Variants in YPEL2 observed in about 807,000 individuals in gnomAD.
The protein encoded by YPEL2 is protein yippee-like 2.
In YPEL2, 2 loss-of-function variants were observed where a neutral mutation model predicts 19.1. The ratio of observed to expected loss-of-function variants is 0.10; its 90% CI spans 0.04 to 0.33. The LOEUF is 0.33. Ranked by LOEUF, YPEL2 falls within the 10% of genes least tolerant of loss-of-function variation. The pLI, the probability that YPEL2 is intolerant of heterozygous loss-of-function variation, is 1.00. For synonymous variants in YPEL2, 52 were observed against 50.0 expected (o/e 1.04, Z -0.17); for missense variants, 66 against 140.7 (o/e 0.47, Z 2.68).
At chr17:59,339,312 G>T (rs368686016) in intron 1 of YPEL2, among the ~76,000 whole-genome samples, 1 of 152,114 alleles carries the variant, frequency 6.6e-6, no homozygotes, top group Non-Finnish European at 1.5e-5. Flanking sequence ...TTTTGCTCGC[G>T]GGGCTCTTTT....
chr17:59,348,841 A>G (rs536789355), intron 1 of YPEL2, among the ~76,000 whole-genome samples: 2 of 152,274 alleles, frequency 1.3e-5, no homozygotes, highest in East Asian at 1.9e-4. Context: ...CTAAAGTTCA[A>G]AAATTAGAAT....
At chr17:59,359,031 C>G (rs965248650) in intron 2 of YPEL2, among the ~76,000 whole-genome samples, 14 of 148,912 alleles carry the variant, frequency 9.4e-5, no homozygotes, top group Middle Eastern at 3.5e-3. Context: ...TGAAGTGATT[C>G]TCCTGCCTCA....
intron 1 of YPEL2, among the ~76,000 whole-genome samples, chr17:59,339,807 C>G (rs2047718647): frequency 6.6e-6 from 1 of 152,032 alleles, no homozygotes; most frequent in South Asian, 2.1e-4. Context: ...TGCCTGTCTC[C>G]CTGGGTTGTT....
chr17:59,375,661 A>G (rs2047916854), intron 2 of YPEL2, among the ~76,000 whole-genome samples: 1 of 152,238 alleles, frequency 6.6e-6, no homozygotes, highest in Admixed American at 6.5e-5. Flanking sequence ...TTAATTTGGA[A>G]ACTGCAATTC....
chr17:59,370,686 G>T (rs1025180028), intron 2 of YPEL2, among the ~76,000 whole-genome samples: 16 of 152,108 alleles, frequency 1.1e-4, no homozygotes, highest in Admixed American at 1.0e-3. Flanking sequence ...ACCCCAGATT[G>T]CTTCGGCTTG....
rs151113267 is a variant in YPEL2, at chr17:59,350,971, A to G, written c.-195-2244A>G. On this transcript the variant is annotated intron_variant, in intron 1 of 4. Coordinates refer to ENST00000312655, the MANE Select transcript of YPEL2 (RefSeq NM_001005404.4). ...ACTCTAGCAGCATTTGGCCTGGGGGAAGCCTACTGCTTGTTTTCCCCTGCC... is the reference window on the plus strand; with the variant it reads ...ACTCTAGCAGCATTTGGCCTGGGGGGAGCCTACTGCTTGTTTTCCCCTGCC... 7.8e-3 allele frequency among the ~76,000 whole-genome samples: 1,191 copies of G among 151,992 alleles called. 25 individuals carry two copies. The highest frequency in any genetic ancestry group is 0.027 in the African/African-American group (1,121 of 41,390).
At chr17:59,340,836 T>G (rs1021485679) in intron 1 of YPEL2, among the ~76,000 whole-genome samples, 2 of 151,418 alleles carry the variant, frequency 1.3e-5, no homozygotes, top group African/African-American at 4.9e-5. Flanking sequence ...TGCCTCACCC[T>G]CCCAAGTAGC....
At chr17:59,338,505 A>G (rs2047710649) in intron 1 of YPEL2, among the ~76,000 whole-genome samples, 1 of 152,178 alleles carries the variant, frequency 6.6e-6, no homozygotes, top group Admixed American at 6.5e-5. Context: ...CCTATTTTTG[A>G]GATGGATTGG....
rs1278026472 is a variant in YPEL2 at position 59,388,365 on chromosome 17, C to G, written c.156C>G (p.Asn52Lys). The G allele has an allele frequency of 6.2e-7, 1 of 1,614,044 alleles. No individual in the cohort carries two copies. Among genetic ancestry groups the G allele is most frequent in the Non-Finnish European group, 8.5e-7 (1 of 1,180,004 alleles). The change falls in exon 3 of 5, where the codon AAC becomes AAG. Residue 52 changes from asparagine to lysine, a missense_variant. By Grantham distance (94) the Asn-to-Lys change is moderately conservative. Transcript: ENST00000312655. ...GTCAAGGACGAGCATACCTCTTTAA[C>G]TCAGTGTGAGTGCCTCTGAATGGTA... is the stretch of plus-strand genomic sequence containing the variant. ...QGSQGRAYLFNSVVNVGCGPA... is the reference protein window; with the variant it reads ...QGSQGRAYLFKSVVNVGCGPA...
At chr17:59,386,621 A>G (rs8073731) in intron 2 of YPEL2, among the ~76,000 whole-genome samples, 95,831 of 151,952 alleles carry the variant, frequency 0.63, 31,387 homozygotes, top group African/African-American at 0.81. Flanking sequence ...TGGCCAGGTC[A>G]TGAAGCCCTG....
At chr17:59,367,887 C>A (rs59823201) in intron 2 of YPEL2, among the ~76,000 whole-genome samples, 11,900 of 152,158 alleles carry the variant, frequency 0.078, 577 homozygotes, top group South Asian at 0.15. Flanking sequence ...TGGGGCCCTG[C>A]TGAGGAGAGT....
At chr17:59,388,395 C>G (rs2047991640) in intron 3 of YPEL2, 25 bp downstream of exon 3, 1 of 1,611,826 alleles carries the variant, frequency 6.2e-7, no homozygotes, top group Non-Finnish European at 8.5e-7. Flanking sequence ...ATGGTACATT[C>G]CTTGTGGGGT....
At chr17:59,363,540 TGA>T (rs1425517627) in intron 2 of YPEL2, among the ~76,000 whole-genome samples, 2 of 152,156 alleles carry the variant, frequency 1.3e-5, no homozygotes, top group African/African-American at 2.4e-5. Context: ...ACTCCTGACC[TGA>T]CCTCAAGTGA....
intron 2 of YPEL2, among the ~76,000 whole-genome samples, chr17:59,385,508 A>T (rs1055628414): frequency 1.3e-5 from 2 of 152,084 alleles, no homozygotes; most frequent in Non-Finnish European, 2.9e-5. Flanking sequence ...AGCCCAGGAG[A>T]TCAAGGCTGC....
intron 2 of YPEL2, among the ~76,000 whole-genome samples, chr17:59,374,760 T>G (rs909627314): frequency 3.3e-5 from 5 of 152,192 alleles, no homozygotes; most frequent in Non-Finnish European, 7.4e-5. Context: ...TGGATATTGT[T>G]ATCCCATTTC....
rs1281055639 is a variant in YPEL2 at position 59,399,680 on chromosome 17, G to A, written c.*2490G>A. On this transcript the variant is annotated 3_prime_UTR_variant, in exon 5 of 5. Transcript: ENST00000312655. ...TCCCTTTGTGTCAGTGAAACCAAAA[G>A]TGCTTCTTACAACGTTCGCTCTGTT... is the stretch of plus-strand genomic sequence containing the variant. 1 of 152,610 alleles carries A rather than the reference G, an allele frequency of 6.6e-6. No homozygotes were observed. The highest frequency in any genetic ancestry group is 1.5e-5 in the Non-Finnish European group (1 of 68,050). 9.5% of individuals were successfully genotyped at this position (152,610 alleles called of 1,614,324 possible).
intron 2 of YPEL2, among the ~76,000 whole-genome samples, chr17:59,383,304 A>G (rs1160313494): frequency 6.6e-6 from 1 of 151,838 alleles, no homozygotes; most frequent in African/African-American, 2.4e-5. Flanking sequence ...CAGTCTTATA[A>G]ATACATAGTC....
intron 2 of YPEL2, among the ~76,000 whole-genome samples, chr17:59,386,365 G>A (rs2047980378): frequency 1.3e-5 from 2 of 152,090 alleles, no homozygotes; most frequent in African/African-American, 4.8e-5. Flanking sequence ...GGAAATGCAG[G>A]GAACATGAAG....
rs1205242679 is a variant in YPEL2 at position 59,399,848 on chromosome 17, A to C, written c.*2658A>C. The C allele has an allele frequency of 3.9e-5, 6 of 152,594 alleles. No individual in the cohort carries two copies. The highest frequency in any genetic ancestry group is 7.3e-5 in the Non-Finnish European group (5 of 68,034). The allele number at this position is 152,594 out of a possible 1,614,324, so 9.5% of individuals were successfully genotyped here. On this transcript the variant is annotated 3_prime_UTR_variant, in exon 5 of 5. Coordinates refer to ENST00000312655, the MANE Select transcript of YPEL2 (RefSeq NM_001005404.4). The stretch of plus-strand genomic sequence containing the variant: ...GACTTAGAGCATAACCAAAGACCTC[A>C]TTCATTCACCCCAGGTGGGTTGGGG...
Sources: gnomAD v4.1 joint callset for allele counts (sites outside exome capture counted in the v4.1 genomes callset) on GRCh38, gnomAD v4.1.1 for gene constraint, MANE v1.5 for transcripts, NCBI Gene and HGNC (gene_info 2026-07-23, HGNC 2026-07-21) for gene names.